Variants in FAP observed in about 807,000 individuals in gnomAD.
FAP encodes prolyl endopeptidase FAP.
In FAP, 110 loss-of-function variants were observed where a neutral mutation model predicts 126.5. The observed-to-expected ratio is 0.87, with a 90% CI of 0.74 to 1.02. The LOEUF (loss-of-function observed/expected upper bound fraction) is 1.02. Ranked by LOEUF, FAP falls within the 50% of genes least tolerant of loss-of-function variation. FAP has a pLI of 0.00. For synonymous variants in FAP, 334 were observed against 297.3 expected, an observed-to-expected ratio of 1.12 and a Z score of -1.27; for missense variants, 919 against 909.2, an observed-to-expected ratio of 1.01 and a Z score of -0.14.
intron 15 of FAP, among the ~76,000 whole-genome samples, chr2:162,200,310 T>C (rs2106244128): frequency 6.6e-6 from 1 of 152,362 alleles, no homozygotes; most frequent in South Asian, 2.1e-4. Context: ...AAGTGTTTAG[T>C]ACCAGAATAG....
intron 21 of FAP, chr2:162,176,633 C>T (rs1455341805): frequency 6.6e-6 from 1 of 152,030 alleles, no homozygotes; most frequent in African/African-American, 2.4e-5. Context: ...ATTTCAAGTT[C>T]AAATGAGAGC....
At chr2:162,179,792 A>ATCTATC (rs1375172893) in intron 21 of FAP, among the ~76,000 whole-genome samples, 2,907 of 96,524 alleles carry the variant, frequency 0.03, 42 homozygotes, top group African/African-American at 0.057. Context: ...CTATCTATCT[A>ATCTATC]TATATATATA....
Position 162,170,972 on chromosome 2 carries a change from A to G in FAP, c.*7T>C. The stretch of plus-strand genomic sequence containing the variant: ...GATTCTGATACAGGCTTGCATCTGC[A>G]TCGTTTTTAGTCTGACAAAGAGAAA... On this transcript the variant is annotated 3_prime_UTR_variant, in exon 26 of 26. Coordinates refer to ENST00000188790, the MANE Select transcript of FAP (RefSeq NM_004460.5). 1 of 1,609,984 alleles carries G rather than the reference A, an allele frequency of 6.2e-7. No individual in the cohort carries two copies. The highest frequency in any genetic ancestry group is 2.2e-5 in the East Asian group (1 of 44,842).
At chr2:162,191,738 T>C (rs1358000854) in intron 17 of FAP, among the ~76,000 whole-genome samples, 1 of 152,120 alleles carries the variant, frequency 6.6e-6, no homozygotes, top group Non-Finnish European at 1.5e-5. Context: ...ATGAATTGAT[T>C]AATTTTAATG....
intron 2 of FAP, among the ~76,000 whole-genome samples, chr2:162,231,299 C>G (rs1010139855): frequency 6.6e-6 from 1 of 152,138 alleles, no homozygotes; most frequent in Non-Finnish European, 1.5e-5. Context: ...GAAAATATTC[C>G]ATTAATAATT....
At chr2:162,241,400 G>C (rs1690339329) in intron 2 of FAP, among the ~76,000 whole-genome samples, 1 of 152,138 alleles carries the variant, frequency 6.6e-6, no homozygotes, top group African/African-American at 2.4e-5. Flanking sequence ...CTGTGTATGT[G>C]TATCTCTATA....
chr2:162,236,448 GTTTTT>G (rs201709257), intron 2 of FAP, among the ~76,000 whole-genome samples: 1 of 133,064 alleles, frequency 7.5e-6, no homozygotes, highest in African/African-American at 2.8e-5. Flanking sequence ...TTATGTTTTT[GTTTTT>G]TTTTTTTTGT....
In FAP at chr2:162,170,993, A is replaced by C; in HGVS notation, c.2269T>G (p.Ser757Ala). 1 of 1,613,062 alleles carries C rather than the reference A, an allele frequency of 6.2e-7. No individual in the cohort carries two copies. Among genetic ancestry groups the C allele is most frequent in the Non-Finnish European group, 8.5e-7 (1 of 1,179,208 alleles). ...CTGCATCGTTTTTAGTCTGACAAAG[A>C]GAAACACTGCTTTAGGAAGTGGGTC... is the stretch of plus-strand genomic sequence containing the variant. ...HMTHFLKQCFSLSD is the reference protein window; with the variant it reads ...HMTHFLKQCFALSD The change falls in exon 26 of 26, where the codon TCT (serine) becomes GCT (alanine). Residue 757 changes from serine to alanine, a missense_variant. Ser to Ala is a moderately conservative substitution (Grantham distance 99). Coordinates refer to ENST00000188790, the MANE Select transcript of FAP (RefSeq NM_004460.5).
chr2:162,233,384 A>C (rs1689978453), intron 2 of FAP, among the ~76,000 whole-genome samples: 1 of 151,872 alleles, frequency 6.6e-6, no homozygotes, highest in Non-Finnish European at 1.5e-5. Flanking sequence ...GCCATTTCAC[A>C]ATCTTTAGGC....
At chr2:162,242,267 T>C (rs963342768) in intron 2 of FAP, among the ~76,000 whole-genome samples, 13 of 152,176 alleles carry the variant, frequency 8.5e-5, no homozygotes, top group Non-Finnish European at 1.6e-4. Context: ...TATCAGCCCA[T>C]AGTACCTTCC....
At chr2:162,219,234 A>G (rs766225170) in intron 7 of FAP, 51 bp from the exon 8 acceptor site, 2 of 1,551,846 alleles carry the variant, frequency 1.3e-6, no homozygotes, top group East Asian at 2.3e-5. Flanking sequence ...TGAAGGCTGT[A>G]TATTTGTTTT....
intron 2 of FAP, among the ~76,000 whole-genome samples, chr2:162,233,439 T>C (rs1335162852): frequency 6.6e-6 from 1 of 152,016 alleles, no homozygotes; most frequent in East Asian, 1.9e-4. Flanking sequence ...ATTCCTGGTA[T>C]TTTGTTGTGG....
intron 20 of FAP, among the ~76,000 whole-genome samples, chr2:162,185,832 T>G (rs970800695): frequency 9.9e-5 from 15 of 152,174 alleles, no homozygotes; most frequent in Admixed American, 6.6e-4. Context: ...TAGTGTCTGA[T>G]TCCTAAAACA....
At chr2:162,183,259 T>C (rs1284184086) in intron 21 of FAP, among the ~76,000 whole-genome samples, 155 bp downstream of exon 21, 1 of 152,178 alleles carries the variant, frequency 6.6e-6, no homozygotes, top group Admixed American at 6.5e-5. Context: ...AAAACCACCA[T>C]TTTGAAGCCC....
In FAP at chr2:162,239,499, G is replaced by T. The variant is rs531993193; in HGVS notation, c.91+3409C>A. Among the ~76,000 whole-genome samples the T allele has an allele frequency of 4.0e-5, 6 of 149,938 alleles. No individual in the cohort carries two copies. In the South Asian group the frequency reaches 1.0e-3, roughly 26 times the overall value. On this transcript the variant is annotated intron_variant, in intron 2 of 25. Transcript: ENST00000188790. The stretch of plus-strand genomic sequence containing the variant: ...AGTTTCTGAAACATTTGTTGTTTTT[G>T]GTTAAAAAAAAAAAGTTGGGGATAG...
intron 11 of FAP, among the ~76,000 whole-genome samples, chr2:162,212,141 TAAATG>T (rs2106263648): frequency 6.6e-6 from 1 of 152,356 alleles, no homozygotes; most frequent in East Asian, 1.9e-4. Flanking sequence ...ATGAGCATCT[TAAATG>T]TTCTGTCAGT....
intron 12 of FAP, 147 bp downstream of exon 12, chr2:162,209,805 A>G: frequency 1.6e-6 from 1 of 624,840 alleles, no homozygotes; most frequent in Non-Finnish European, 2.8e-6. Context: ...AAATCACTCA[A>G]GAGATCACTA....
intron 21 of FAP, chr2:162,176,057 G>C (rs1297531605): frequency 6.6e-6 from 1 of 152,096 alleles, no homozygotes; most frequent in Non-Finnish European, 1.5e-5. Context: ...AGGACCTTAT[G>C]ACCACAGATT....
intron 22 of FAP, among the ~76,000 whole-genome samples, 195 bp from the exon 23 acceptor site, chr2:162,173,982 A>G (rs1439058025): frequency 6.6e-6 from 1 of 152,174 alleles, no homozygotes; most frequent in Non-Finnish European, 1.5e-5. Flanking sequence ...CAATAGAGCT[A>G]GAGAAGTATG....
Sources: gnomAD v4.1 joint callset for allele counts (sites outside exome capture counted in the v4.1 genomes callset) on GRCh38, gnomAD v4.1.1 for gene constraint, MANE v1.5 for transcripts, NCBI Gene and HGNC (gene_info 2026-07-23, HGNC 2026-07-21) for gene names.